The following BFSP1 variants were observed in gnomAD, a reference collection of about 807,000 sequenced individuals.
BFSP1 encodes the protein filensin.
BFSP1 carries 38 observed loss-of-function variants against 43.9 expected under a neutral mutation model. The observed-to-expected ratio is 0.87, with a 90% confidence interval of 0.67 to 1.14. The LOEUF is 1.14. Ranked by LOEUF, BFSP1 falls within the 50% of genes most tolerant of loss-of-function variation. The pLI is 0.00. For synonymous variants in BFSP1, 352 were observed against 354.8 expected (o/e 0.99, Z 0.09); for missense variants, 850 against 875.1 (o/e 0.97, Z 0.36).
At chr20:17,515,214 G>A (rs1433809255) in intron 2 of BFSP1, among the ~76,000 whole-genome samples, 2 of 152,166 alleles carry the variant, frequency 1.3e-5, no homozygotes, top group Admixed American at 1.3e-4. Flanking sequence ...TGCCTAAAGG[G>A]TCAATACAGC....
At chr20:17,499,405 T>TC (rs1392434989) in intron 5 of BFSP1, among the ~76,000 whole-genome samples, 1 of 136,826 alleles carries the variant, frequency 7.3e-6, no homozygotes, top group Non-Finnish European at 1.6e-5. Context: ...ATGCTGGGCT[T>TC]TTTTTTTTTT....
rs866314976 is a variant in BFSP1 at position 17,496,998 on chromosome 20, G to A, written c.982C>T (p.Pro328Ser). ...NRLTSAFIET[P>S]IPLFTQSHGV... ...TGGCTCTGGGTGAACAGGGGAATGG[G>A]AGTTTCAATGAAGGCAGAGGTCAGC... Residue 328 changes from proline (P) to serine (S), a missense_variant, in exon 7 of 8, where the codon CCC (proline) becomes TCC (serine). Transcript: ENST00000377873. The A allele has an allele frequency of 2.6e-6, 4 of 1,542,074 alleles. No individual in the cohort carries two copies. In the East Asian group the frequency reaches 1.0e-4, roughly 39 times the overall value.
intron 1 of BFSP1, among the ~76,000 whole-genome samples, chr20:17,564,486 G>A (rs1473686773): frequency 6.6e-6 from 1 of 151,986 alleles, no homozygotes; most frequent in Non-Finnish European, 1.5e-5. Flanking sequence ...ACACACACAC[G>A]TAATAAAGCC....
At chr20:17,552,814 A>C (rs564920454) in intron 1 of BFSP1, among the ~76,000 whole-genome samples, 11 of 152,202 alleles carry the variant, frequency 7.2e-5, no homozygotes, top group Admixed American at 2.0e-4. Context: ...TGGGGGAAAA[A>C]TATCAAGATT....
intron 1 of BFSP1, among the ~76,000 whole-genome samples, chr20:17,527,893 T>C (rs2034456447): frequency 6.6e-6 from 1 of 152,240 alleles, no homozygotes; most frequent in Non-Finnish European, 1.5e-5. Context: ...AATAATTGAC[T>C]CTGTTGTTGT....
Position 17,511,967 on chromosome 20 carries a change from A to C in BFSP1, c.627+9T>G, listed in dbSNP as rs776455142. ...GGGCTGGTTTGCCTTTTCCTGCTTC[A>C]ATTCTTACCTCCCTCATCCCACTCG... On this transcript the variant is annotated intron_variant, in intron 4 of 7. Transcript: ENST00000377873. 9 of 1,592,372 alleles carry C rather than the reference A, an allele frequency of 5.7e-6. No homozygotes were observed. In the Admixed American group the frequency reaches 8.3e-5, roughly 15 times the overall value.
chr20:17,534,971 A>G (rs879389841), upstream of BFSP1, among the ~76,000 whole-genome samples: 5 of 152,066 alleles, frequency 3.3e-5, no homozygotes, highest in Non-Finnish European at 7.4e-5. Context: ...CAGTGAGCCA[A>G]TATCACGCCA....
rs559935161 is a variant in BFSP1, at chr20:17,529,198, G to C, written c.377+1755C>G. ...AGTGATTCTCCTGCCTCAGCCTCCC[G>C]GGTAGCTGGAACTACAGGCGTGTGC... On this transcript the variant is annotated intron_variant, in intron 1 of 7. Transcript: ENST00000377873. 2.0e-5 allele frequency among the ~76,000 whole-genome samples: 3 copies of C among 151,964 alleles called. No individual in the cohort carries two copies. In the South Asian group the frequency reaches 6.2e-4, roughly 32 times the overall value.
chr20:17,565,375 T>C (rs887719884), intron 1 of BFSP1: 2 of 152,182 alleles, frequency 1.3e-5, no homozygotes, highest in Admixed American at 6.5e-5. Flanking sequence ...TACCAGCTCA[T>C]GTATGCAAAG....
chr20:17,530,655 A>T (rs2034513820), intron 1 of BFSP1, among the ~76,000 whole-genome samples: 1 of 152,272 alleles, frequency 6.6e-6, no homozygotes. Flanking sequence ...TACATTTGTC[A>T]AAACTCACTG....
chr20:17,494,212 C>CT lies in BFSP1; in HGVS notation c.1859dup (p.Thr621AspfsTer20). The stretch of plus-strand genomic sequence containing the variant: ...CGATAGATTCCACCACTTCCACTGT[C>CT]TTATAGGCCAAAGCCTTGGGAGGGC... On this transcript the variant is annotated frameshift_variant, in exon 8 of 8. Coordinates refer to ENST00000377873, the MANE Select transcript of BFSP1 (RefSeq NM_001195.5). LOFTEE classifies it high-confidence loss of function. 3 of 1,614,182 alleles carry CT rather than the reference C, an allele frequency of 1.9e-6. No homozygotes were observed. Among genetic ancestry groups the CT allele is most frequent in the Non-Finnish European group, 2.5e-6 (3 of 1,180,038 alleles).
At chr20:17,552,289 A>G (rs1575203) in intron 1 of BFSP1, among the ~76,000 whole-genome samples, 1 of 151,938 alleles carries the variant, frequency 6.6e-6, no homozygotes. Context: ...AAACATGGGG[A>G]AGAATAAATA....
intron 5 of BFSP1, among the ~76,000 whole-genome samples, chr20:17,500,426 T>G (rs988001562): frequency 1.3e-5 from 2 of 152,212 alleles, no homozygotes; most frequent in Non-Finnish European, 2.9e-5. Flanking sequence ...CCTGTCGCCT[T>G]GTGACAACCG....
chr20:17,514,881 G>T, intron 2 of BFSP1, 65 bp from the exon 3 acceptor site: 1 of 1,447,634 alleles, frequency 6.9e-7, no homozygotes, highest in Non-Finnish European at 9.6e-7. Flanking sequence ...AGCTGGCCGG[G>T]TATATGAGCA....
chr20:17,559,218 A>G (rs981100649), upstream of BFSP1, among the ~76,000 whole-genome samples: 7 of 152,084 alleles, frequency 4.6e-5, no homozygotes, highest in African/African-American at 1.7e-4. Context: ...ACAGCAATTT[A>G]TTGCTTTTGC....
At chr20:17,512,126 T>C (rs781324069) in intron 3 of BFSP1, 58 bp from the exon 4 acceptor site, 5 of 1,414,328 alleles carry the variant, frequency 3.5e-6, no homozygotes, top group Non-Finnish European at 5.0e-6. Flanking sequence ...TTTTTCCTTC[T>C]AGTACTAGAT....
chr20:17,505,324 A>T (rs890305390), intron 5 of BFSP1, among the ~76,000 whole-genome samples: 1 of 152,160 alleles, frequency 6.6e-6, no homozygotes, highest in Non-Finnish European at 1.5e-5. Flanking sequence ...GGCCCGCCCC[A>T]GAGCTCCTGG....
chr20:17,565,333 G>C (rs1034800760), intron 1 of BFSP1, among the ~76,000 whole-genome samples: 5 of 152,180 alleles, frequency 3.3e-5, no homozygotes, highest in Admixed American at 1.3e-4. Flanking sequence ...TTTTGACTTA[G>C]TAATTTTATG....
intron 1 of BFSP1, among the ~76,000 whole-genome samples, chr20:17,550,300 T>C (rs1272600963): frequency 6.6e-6 from 1 of 151,958 alleles, no homozygotes; most frequent in Admixed American, 6.6e-5. Context: ...TGTCTCATCT[T>C]TGTTTTAAAT....
Sources: gnomAD v4.1 joint callset for allele counts (sites outside exome capture counted in the v4.1 genomes callset) on GRCh38, gnomAD v4.1.1 for gene constraint, MANE v1.5 for transcripts, NCBI Gene and HGNC (gene_info 2026-07-23, HGNC 2026-07-21) for gene names.